The following REV3L variants were observed in gnomAD, a reference collection of about 807,000 sequenced individuals.
REV3L encodes the protein REV3 like, DNA directed polymerase zeta catalytic subunit.
Under a neutral mutation model 299.4 loss-of-function variants are expected in REV3L, and 69 were observed. That is an observed-to-expected ratio of 0.23 (90% confidence interval 0.19 to 0.28). REV3L has a LOEUF of 0.28. Among genes scored for constraint, REV3L ranks in the 10% least tolerant of loss-of-function variants. The probability of loss-of-function intolerance (pLI) is 1.00; values close to 1 mark genes in which losing one functional copy is unlikely to be tolerated. For synonymous variants in REV3L, 1,238 were observed against 1,271.4 expected (o/e 0.97, Z 0.56); for missense variants, 3,128 against 3,693.8 (o/e 0.85, Z 3.97).
intron 31 of REV3L, among the ~76,000 whole-genome samples, chr6:111,300,752 C>T (rs981197167): frequency 1.3e-5 from 2 of 152,150 alleles, no homozygotes; most frequent in Admixed American, 6.5e-5. Context: ...TTTCCTATGC[C>T]TGTCTTTAAT....
intron 23 of REV3L, among the ~76,000 whole-genome samples, chr6:111,332,245 G>A (rs993448903): frequency 3.3e-5 from 5 of 151,894 alleles, no homozygotes; most frequent in African/African-American, 1.2e-4. Context: ...CTAATTTTTT[G>A]CATTTTTAGT....
chr6:111,385,135 G>C (rs1381388146), intron 9 of REV3L, among the ~76,000 whole-genome samples: 2 of 151,926 alleles, frequency 1.3e-5, no homozygotes, highest in Non-Finnish European at 2.9e-5. Flanking sequence ...GTGGGGAAGT[G>C]GGGATGGTTA....
chr6:111,480,406 C>T (rs1267455584), intron 1 of REV3L, among the ~76,000 whole-genome samples: 2 of 152,034 alleles, frequency 1.3e-5, no homozygotes, highest in Non-Finnish European at 2.9e-5. Context: ...GTCAGACTGG[C>T]CTCTCTTTTA....
intron 31 of REV3L, among the ~76,000 whole-genome samples, chr6:111,300,890 A>C (rs1210145120): frequency 3.3e-5 from 5 of 152,254 alleles, no homozygotes; most frequent in Admixed American, 6.5e-5. Context: ...GAGCACCTTG[A>C]AAAGAACAGG....
chr6:111,462,485 T>C (rs1790909679), intron 1 of REV3L, among the ~76,000 whole-genome samples: 1 of 151,962 alleles, frequency 6.6e-6, no homozygotes, highest in Non-Finnish European at 1.5e-5. Flanking sequence ...GAAAGAGAAA[T>C]AGACAAATCT....
chr6:111,324,422 T>C (rs1774514592), intron 25 of REV3L, among the ~76,000 whole-genome samples: 1 of 152,206 alleles, frequency 6.6e-6, no homozygotes, highest in Non-Finnish European at 1.5e-5. Flanking sequence ...TCAAATTGAA[T>C]AAAATGTTCT....
At chr6:111,449,947 C>T (rs1467973233) in intron 1 of REV3L, among the ~76,000 whole-genome samples, 2 of 152,090 alleles carry the variant, frequency 1.3e-5, no homozygotes, top group African/African-American at 4.8e-5. Flanking sequence ...GTTATTGCAA[C>T]TGTAAACTAT....
chr6:111,320,572 C>T (rs1774053119), intron 26 of REV3L, among the ~76,000 whole-genome samples: 2 of 152,116 alleles, frequency 1.3e-5, no homozygotes, highest in South Asian at 4.1e-4. Flanking sequence ...TTTTTTGTGT[C>T]CTCCTTCAAG....
chr6:111,472,909 T>C (rs1792420380), intron 1 of REV3L, among the ~76,000 whole-genome samples: 1 of 152,202 alleles, frequency 6.6e-6, no homozygotes, highest in Non-Finnish European at 1.5e-5. Context: ...ATCCACATCA[T>C]GTTTGGACAG....
intron 1 of REV3L, among the ~76,000 whole-genome samples, chr6:111,480,980 C>T (rs1024016671): frequency 1.3e-5 from 2 of 151,772 alleles, no homozygotes; most frequent in African/African-American, 4.8e-5. Context: ...AGGAACATTT[C>T]CTCACGTAAT....
chr6:111,327,750 TTACAGTG>T (rs1271088510), intron 25 of REV3L, among the ~76,000 whole-genome samples: 2 of 152,156 alleles, frequency 1.3e-5, no homozygotes, highest in Non-Finnish European at 1.5e-5. Context: ...CTTACAGCCT[TTACAGTG>T]CAACTATAAA....
intron 22 of REV3L, among the ~76,000 whole-genome samples, chr6:111,335,262 T>C (rs978985626): frequency 6.6e-6 from 1 of 152,222 alleles, no homozygotes; most frequent in Non-Finnish European, 1.5e-5. Flanking sequence ...CTTAAGGGCA[T>C]GGACATTTAT....
chr6:111,348,811 A>T (rs547127346), intron 20 of REV3L: 2 of 152,704 alleles, frequency 1.3e-5, no homozygotes, highest in South Asian at 2.1e-4. Flanking sequence ...CTCCACATCC[A>T]GCTAATTTTT....
chr6:111,411,586 T>C, intron 2 of REV3L, 32 bp from the exon 3 acceptor site: 1 of 1,353,740 alleles, frequency 7.4e-7, no homozygotes. Context: ...TTCAAATTAT[T>C]TTCATAATTC....
At chr6:111,434,943 C>A (rs1265239623) in intron 1 of REV3L, among the ~76,000 whole-genome samples, 1 of 151,728 alleles carries the variant, frequency 6.6e-6, no homozygotes. Context: ...TGGTAACTCA[C>A]GCCTGTATCC....
At chr6:111,379,928 G>T in intron 11 of REV3L, 54 bp downstream of exon 11, 1 of 1,019,940 alleles carries the variant, frequency 9.8e-7, no homozygotes, top group Non-Finnish European at 1.5e-6. Flanking sequence ...ATTTCTGATT[G>T]AAGGACAATA....
rs775473513 is a variant in REV3L at position 111,375,537 on chromosome 6, T to C, written c.2818A>G (p.Asn940Asp). Residue 940 changes from asparagine (N) to aspartate (D), a missense_variant, in exon 13 of 32, where the codon AAC becomes GAC. Around this residue, in one of 9 missense-constraint regions of REV3L, gnomAD observed 2,409 missense variants for 2,611.8 expected, o/e 0.92. Transcript: ENST00000368802. ...GGATGAGGTAGACTAATTTTTGAGT[T>C]GTGAGTTACAAAACTTGACTCACTG... ...EDSESSFVTH[N>D]SKISLPHPME... The C allele has an allele frequency of 5.6e-6, 9 of 1,613,634 alleles. No homozygotes were observed. Among genetic ancestry groups the C allele is most frequent in the Non-Finnish European group, 7.6e-6 (9 of 1,179,854 alleles).
At chr6:111,357,458 C>T (rs1390271728) in intron 17 of REV3L, among the ~76,000 whole-genome samples, 2 of 151,984 alleles carry the variant, frequency 1.3e-5, no homozygotes, top group African/African-American at 4.8e-5. Context: ...TTTGGGAGGC[C>T]GAGGCAGGCG....
chr6:111,417,725 ATTT>A (rs1458448066), intron 1 of REV3L, among the ~76,000 whole-genome samples: 4 of 152,214 alleles, frequency 2.6e-5, no homozygotes, highest in Non-Finnish European at 5.9e-5. Context: ...AGCTTCTCTT[ATTT>A]TTAAGGTACA....
Sources: allele counts gnomAD v4.1 joint callset (sites outside exome capture counted in the v4.1 genomes callset), GRCh38; gene constraint gnomAD v4.1.1; regional missense constraint gnomAD v4.1.1; transcripts MANE v1.5; gene names NCBI Gene and HGNC (gene_info 2026-07-23, HGNC 2026-07-21).